The following MTUS2 variants were observed in gnomAD, a reference collection of about 807,000 sequenced individuals.
The protein encoded by MTUS2 is microtubule-associated tumor suppressor candidate 2.
In MTUS2, 40 loss-of-function variants were observed where a neutral mutation model predicts 114.1. That is an observed-to-expected ratio of 0.35 (90% CI 0.27 to 0.46). The LOEUF (loss-of-function observed/expected upper bound fraction) is 0.46, where lower values mean the gene tolerates loss of function less well. Ranked by LOEUF, MTUS2 falls within the 20% of genes least tolerant of loss-of-function variation. The pLI, the probability that MTUS2 is intolerant of heterozygous loss-of-function variation, is 1.00. For missense variants in MTUS2, 1,679 were observed against 1,705.4 expected (o/e 0.98, Z 0.27); for synonymous variants, 688 against 672.0 (o/e 1.02, Z -0.37).
intron 2 of MTUS2, among the ~76,000 whole-genome samples, chr13:28,938,045 A>C (rs1566236728): frequency 6.6e-6 from 1 of 152,174 alleles, no homozygotes; most frequent in Non-Finnish European, 1.5e-5. Flanking sequence ...CAGGCTCCTG[A>C]GAATATAACA....
In MTUS2 at chr13:29,503,344, C is replaced by G. The variant is rs993206165; in HGVS notation, c.*138C>G. 11 of 917,116 alleles carry G rather than the reference C, an allele frequency of 1.2e-5. No homozygotes were observed. The highest frequency in any genetic ancestry group is 1.8e-5 in the Non-Finnish European group (11 of 605,146). 56.8% of individuals were successfully genotyped at this position (917,116 alleles called of 1,614,324 possible). On this transcript the variant is annotated 3_prime_UTR_variant, in exon 16 of 16. Coordinates refer to ENST00000612955, the MANE Select transcript of MTUS2 (RefSeq NM_001033602.4). The stretch of plus-strand genomic sequence containing the variant: ...GAATGCATCCTAGGCGCGTCCTCCT[C>G]TGATCCCCGTGTAAGACTGCCCTGG...
chr13:29,033,080 C>T (rs1003836819), intron 3 of MTUS2, among the ~76,000 whole-genome samples: 2 of 152,148 alleles, frequency 1.3e-5, no homozygotes, highest in Admixed American at 6.5e-5. Flanking sequence ...GTGACAGTAA[C>T]GTTATGTTAT....
chr13:29,489,463 G>T (rs1881899000), intron 11 of MTUS2, among the ~76,000 whole-genome samples: 1 of 152,180 alleles, frequency 6.6e-6, no homozygotes. Flanking sequence ...ATTAGTAAGT[G>T]ACCAAGCTGG....
intron 2 of MTUS2, among the ~76,000 whole-genome samples, chr13:28,858,306 C>G (rs1169919947): frequency 6.6e-6 from 1 of 152,084 alleles, no homozygotes; most frequent in Admixed American, 6.5e-5. Context: ...AAACCCATGT[C>G]TAAAGAAAAA....
intron 4 of MTUS2, among the ~76,000 whole-genome samples, chr13:29,064,824 T>C (rs1888591360): frequency 6.6e-6 from 1 of 152,116 alleles, no homozygotes; most frequent in Non-Finnish European, 1.5e-5. Flanking sequence ...CTTCTCTCTT[T>C]ATGTCCATGA....
intron 4 of MTUS2, among the ~76,000 whole-genome samples, chr13:29,078,136 A>G (rs1889281406): frequency 7.8e-6 from 1 of 128,614 alleles, no homozygotes; most frequent in African/African-American, 2.9e-5. Context: ...ATATAATGAT[A>G]AAAATGAAAG....
intron 8 of MTUS2, among the ~76,000 whole-genome samples, chr13:29,417,931 G>A (rs918176897): frequency 1.3e-5 from 2 of 152,070 alleles, no homozygotes; most frequent in Non-Finnish European, 2.9e-5. Flanking sequence ...TCCTAATTTG[G>A]TGCCTTTTGT....
chr13:29,291,050 G>A (rs867735641), intron 6 of MTUS2, among the ~76,000 whole-genome samples: 17 of 152,280 alleles, frequency 1.1e-4, no homozygotes, highest in Middle Eastern at 3.4e-3. Context: ...AATGAGAGAC[G>A]TGCCCTTTGC....
At chr13:28,904,143 G>A (rs554677874) in intron 2 of MTUS2, among the ~76,000 whole-genome samples, 2 of 152,248 alleles carry the variant, frequency 1.3e-5, no homozygotes, top group Admixed American at 1.3e-4. Context: ...GGAGTTCATT[G>A]TAGATTCTGG....
rs1873802121 is a variant in MTUS2, at chr13:28,820,381, C to T, written c.-546C>T. 6.6e-6 allele frequency: 1 copy of T among 151,560 alleles called. No individual in the cohort carries two copies. Among genetic ancestry groups the T allele is most frequent in the South Asian group, 2.1e-4 (1 of 4,834 alleles). 9.4% of individuals were successfully genotyped at this position (151,560 alleles called of 1,614,324 possible). ...CCGGCGGCTCCAGGTGCGGGGGCGC[C>T]CCTCGCGCTCCACCTGCGCCGCCGC... On this transcript the variant is annotated 5_prime_UTR_variant, in exon 1 of 16. Transcript: ENST00000612955.
intron 7 of MTUS2, among the ~76,000 whole-genome samples, chr13:29,352,552 A>G (rs1173949419): frequency 6.6e-6 from 1 of 152,060 alleles, no homozygotes; most frequent in Non-Finnish European, 1.5e-5. Flanking sequence ...CCACTAGTCT[A>G]CTTTTTTGTT....
intron 2 of MTUS2, among the ~76,000 whole-genome samples, chr13:28,967,529 G>A (rs1474045062): frequency 6.6e-6 from 1 of 152,162 alleles, no homozygotes; most frequent in Non-Finnish European, 1.5e-5. Flanking sequence ...AAGCATCTGT[G>A]CTGTTATTGT....
intron 1 of MTUS2, among the ~76,000 whole-genome samples, chr13:28,832,937 A>G: frequency 6.6e-6 from 1 of 152,134 alleles, no homozygotes; most frequent in Non-Finnish European, 1.5e-5. Context: ...GAACATTTTA[A>G]ATAAATTTAT....
intron 2 of MTUS2, among the ~76,000 whole-genome samples, chr13:28,997,929 C>T (rs1885194828): frequency 6.6e-6 from 1 of 152,180 alleles, no homozygotes; most frequent in Admixed American, 6.5e-5. Flanking sequence ...TTGATCCTGT[C>T]ATTATGATGT....
At chr13:29,429,576 C>T (rs1876835721) in intron 8 of MTUS2, among the ~76,000 whole-genome samples, 2 of 152,220 alleles carry the variant, frequency 1.3e-5, no homozygotes, top group Non-Finnish European at 2.9e-5. Context: ...CCTTTCTTTG[C>T]TTTTGACATT....
chr13:29,182,749 C>A (rs887811956), intron 5 of MTUS2, among the ~76,000 whole-genome samples: 29 of 152,232 alleles, frequency 1.9e-4, no homozygotes, highest in Non-Finnish European at 8.8e-5. Flanking sequence ...TCAGGAATAC[C>A]AGAATACGTT....
chr13:29,044,667 A>G (rs573842533), intron 4 of MTUS2, among the ~76,000 whole-genome samples: 39 of 152,200 alleles, frequency 2.6e-4, no homozygotes, highest in African/African-American at 8.4e-4. Context: ...TTCTCTTGCT[A>G]TGTCTTCACT....
chr13:28,856,814 G>A (rs773684430), intron 2 of MTUS2, among the ~76,000 whole-genome samples: 4 of 152,248 alleles, frequency 2.6e-5, no homozygotes, highest in South Asian at 2.1e-4. Context: ...GTCCTATTTC[G>A]CATCTTTGTT....
chr13:29,321,814 T>A (rs1900266281), intron 6 of MTUS2, among the ~76,000 whole-genome samples: 1 of 152,214 alleles, frequency 6.6e-6, no homozygotes, highest in Admixed American at 6.5e-5. Flanking sequence ...ACCTTATCTT[T>A]CAGATATTTT....
Sources: allele counts gnomAD v4.1 joint callset (sites outside exome capture counted in the v4.1 genomes callset), GRCh38; gene constraint gnomAD v4.1.1; transcripts MANE v1.5; gene names NCBI Gene and HGNC (gene_info 2026-07-23, HGNC 2026-07-21).